ATP2C2: variants seen among roughly 807,000 people sequenced by gnomAD.
ATP2C2 encodes the protein calcium-transporting ATPase type 2C member 2.
A neutral mutation model predicts 110.8 loss-of-function variants in ATP2C2; 171 were observed. That is an observed-to-expected ratio of 1.54 (90% CI 1.36 to 1.75). The LOEUF (loss-of-function observed/expected upper bound fraction) is 1.75, where lower values mean the gene tolerates loss of function less well. Ranked by LOEUF, ATP2C2 falls within the 40% of genes most tolerant of loss-of-function variation. The probability of loss-of-function intolerance (pLI) is 0.00; values close to 1 mark genes in which losing one functional copy is unlikely to be tolerated. For missense variants in ATP2C2, 1,963 were observed against 1,235.0 expected (o/e 1.59, Z -8.84); for synonymous variants, 804 against 508.4 (o/e 1.58, Z -7.82).
Position 84,453,367 on chromosome 16 carries a change from T to A in ATP2C2, c.1976T>A (p.Ile659Asn), listed in dbSNP as rs368080268. The change falls in exon 20 of 27, where the codon ATC becomes AAC. Residue 659 changes from isoleucine to asparagine, a missense_variant. Transcript: ENST00000262429. ...AGCCCAAAGCACAAGCTCAAAATCA[T>A]CAAGGTTCGCTGGGCAAGGCAGGCA... is the stretch of plus-strand genomic sequence containing the variant. Reference protein sequence around the residue: ...RTSPKHKLKIIKALQESGAIV... With the variant: ...RTSPKHKLKINKALQESGAIV... 5.0e-5 allele frequency: 81 copies of A among 1,613,974 alleles called. No individual in the cohort carries two copies. The African/African-American group carries it at 9.6e-4, about 19-fold the overall frequency.
chr16:84,417,699 C>A (rs1385394752), intron 7 of ATP2C2, among the ~76,000 whole-genome samples: 1 of 152,158 alleles, frequency 6.6e-6, no homozygotes, highest in East Asian at 1.9e-4. Context: ...CAAGACCAGC[C>A]TGGGCAACAT....
chr16:84,369,188 C>A (rs1244369983), intron 1 of ATP2C2, among the ~76,000 whole-genome samples: 1 of 152,218 alleles, frequency 6.6e-6, no homozygotes, highest in Non-Finnish European at 1.5e-5. Context: ...GACCTCCCAG[C>A]CTCACTTCCT....
At chr16:84,436,284 C>T (rs760372257) in intron 11 of ATP2C2, among the ~76,000 whole-genome samples, 1 of 152,194 alleles carries the variant, frequency 6.6e-6, no homozygotes, top group South Asian at 2.1e-4. Flanking sequence ...ATGGGAGGCC[C>T]GGCAGCACTG....
chr16:84,441,588 A>T (rs954547184), intron 14 of ATP2C2, among the ~76,000 whole-genome samples: 7 of 152,164 alleles, frequency 4.6e-5, no homozygotes, highest in Non-Finnish European at 8.8e-5. Context: ...GGGCCACTTC[A>T]CTATCACAGC....
At position 84,460,652 on chromosome 16, in the gene ATP2C2, AG is replaced by A. The variant is rs747444835; in HGVS notation, c.2334-1del. The stretch of plus-strand genomic sequence containing the variant: ...AAAGTGTCTGTGTCTTGTTCGGAGC[AG>A]CTTGGGGGTAGAGCCCGTTGACAAA... On this transcript the variant is annotated splice_acceptor_variant, in intron 23 of 26. Transcript: ENST00000262429. LOFTEE classifies it high-confidence loss of function. The A allele has an allele frequency of 6.2e-7, 1 of 1,614,202 alleles. No individual in the cohort carries two copies. Among genetic ancestry groups the A allele is most frequent in the Non-Finnish European group, 8.5e-7 (1 of 1,180,028 alleles).
In ATP2C2 at chr16:84,424,576, C is replaced by CTTTTTT. The variant is rs371614449; in HGVS notation, c.920-1141_920-1136dup. 5.2e-3 allele frequency among the ~76,000 whole-genome samples: 597 copies of CTTTTTT among 114,752 alleles called. 22 individuals carry two copies. Among genetic ancestry groups the CTTTTTT allele is most frequent in the African/African-American group, 0.023 (569 of 24,774 alleles). The allele number at this position is 114,752 out of a possible 152,430, so 75.3% of individuals were successfully genotyped here. On this transcript the variant is annotated intron_variant, in intron 10 of 26. Transcript: ENST00000262429. ...TACAGGCATGAGCCACCGCACTGGG[C>CTTTTTT]TTTTTTTTTTTTTTTTTTTTTTTAA... is the stretch of plus-strand genomic sequence containing the variant.
In ATP2C2 at chr16:84,401,509, A is replaced by C. The variant is rs549800822; in HGVS notation, c.210+2900A>C. On this transcript the variant is annotated intron_variant, in intron 2 of 26. Transcript: ENST00000262429. ...ATTCATTTTTATTTGATTTTTATTGATAATGAGAGATGGGGTGAAATTTCA... is the reference window on the plus strand; with the variant it reads ...ATTCATTTTTATTTGATTTTTATTGCTAATGAGAGATGGGGTGAAATTTCA... Among the ~76,000 whole-genome samples the C allele has an allele frequency of 3.4e-3, 519 of 152,210 alleles. 3 individuals are homozygous for C. Among genetic ancestry groups the C allele is most frequent in the Admixed American group, 8.4e-3 (128 of 15,288 alleles).
At chr16:84,445,528 C>T (rs1279812333) in intron 15 of ATP2C2, among the ~76,000 whole-genome samples, 1 of 152,142 alleles carries the variant, frequency 6.6e-6, no homozygotes, top group South Asian at 2.1e-4. Flanking sequence ...TATATCCAGT[C>T]ATGTTGGCTT....
intron 13 of ATP2C2, among the ~76,000 whole-genome samples, chr16:84,440,510 C>T (rs760442216): frequency 3.3e-5 from 5 of 152,192 alleles, no homozygotes; most frequent in Admixed American, 1.3e-4. Context: ...TGAGTAGCCA[C>T]GACAAAGGTG....
chr16:84,428,216 C>T (rs1907960047), intron 11 of ATP2C2, among the ~76,000 whole-genome samples: 1 of 152,212 alleles, frequency 6.6e-6, no homozygotes. Flanking sequence ...GGGTCTGGTA[C>T]ATGGTATCAG....
At chr16:84,373,563 G>A (rs1029994765) in intron 1 of ATP2C2, among the ~76,000 whole-genome samples, 2 of 152,184 alleles carry the variant, frequency 1.3e-5, no homozygotes, top group African/African-American at 4.8e-5. Context: ...ATTTTGAAAT[G>A]AGGTCTCATA....
intron 6 of ATP2C2, among the ~76,000 whole-genome samples, chr16:84,411,658 T>C (rs1157757863): frequency 6.6e-6 from 1 of 152,230 alleles, no homozygotes; most frequent in African/African-American, 2.4e-5. Context: ...GCTAGGCTCG[T>C]CTCGACCTCC....
At chr16:84,382,606 A>C (rs949243616) in intron 1 of ATP2C2, among the ~76,000 whole-genome samples, 2 of 152,198 alleles carry the variant, frequency 1.3e-5, no homozygotes, top group African/African-American at 4.8e-5. Context: ...GACATGGCCA[A>C]GCCATGGCCA....
Position 84,461,713 on chromosome 16 carries a change from G to C in ATP2C2, c.2482-1G>C. 1 of 1,613,954 alleles carries C rather than the reference G, an allele frequency of 6.2e-7. No individual in the cohort carries two copies. Among genetic ancestry groups the C allele is most frequent in the Non-Finnish European group, 8.5e-7 (1 of 1,179,802 alleles). On this transcript the variant is annotated splice_acceptor_variant, in intron 24 of 26. Coordinates refer to ENST00000262429, the MANE Select transcript of ATP2C2 (RefSeq NM_014861.4). LOFTEE classifies it high-confidence loss of function. ...CTCTCACCTTTGTGCTCACCTTCCA[G>C]ATGCCTGAAGACAGAGCAAGCACTC...
At position 84,460,751 on chromosome 16, in the gene ATP2C2, A is replaced by T; in HGVS notation, c.2431A>T (p.Met811Leu). 2 of 1,614,076 alleles carry T rather than the reference A, an allele frequency of 1.2e-6. No individual in the cohort carries two copies. The highest frequency in any genetic ancestry group is 1.7e-6 in the Non-Finnish European group (2 of 1,179,966). Reference protein sequence around the residue: ...LSRALILKILMSAAIIISGTL... With the variant: ...LSRALILKILLSAAIIISGTL... ...CAGAGCCCTCATCCTGAAGATCCTCATGTCCGCGGCCATCATCATCAGCGG... is the reference window on the plus strand; with the variant it reads ...CAGAGCCCTCATCCTGAAGATCCTCTTGTCCGCGGCCATCATCATCAGCGG... Residue 811 changes from methionine to leucine, a missense_variant, in exon 24 of 27, where the codon ATG (methionine) becomes TTG (leucine). Physicochemically the swap from Met to Leu is conservative, Grantham distance 15. Transcript: ENST00000262429.
Position 84,453,118 on chromosome 16 carries a change from C to T in ATP2C2, c.1832-20C>T. 1.3e-6 allele frequency: 2 copies of T among 1,591,472 alleles called. No homozygotes were observed. Among genetic ancestry groups the T allele is most frequent in the Non-Finnish European group, 1.7e-6 (2 of 1,168,750 alleles). The stretch of plus-strand genomic sequence containing the variant: ...GGACGCGGGCCTCAGAGCAGGCCCT[C>T]AGAACAGGTTCTTCTGAAGGAAGAA... On this transcript the variant is annotated intron_variant, in intron 18 of 26. Coordinates refer to ENST00000262429, the MANE Select transcript of ATP2C2 (RefSeq NM_014861.4).
intron 1 of ATP2C2, among the ~76,000 whole-genome samples, chr16:84,385,137 G>T (rs1567686998): frequency 1.3e-5 from 2 of 152,158 alleles, no homozygotes; most frequent in South Asian, 4.1e-4. Context: ...TCTGCAGGCT[G>T]TACAGGAAGC....
At chr16:84,431,615 C>T (rs1908286485) in intron 11 of ATP2C2, among the ~76,000 whole-genome samples, 1 of 151,326 alleles carries the variant, frequency 6.6e-6, no homozygotes, top group South Asian at 2.1e-4. Flanking sequence ...GGGGGAACAG[C>T]ACAGGCAAAG....
At chr16:84,435,926 C>T (rs1330620337) in intron 11 of ATP2C2, among the ~76,000 whole-genome samples, 1 of 152,176 alleles carries the variant, frequency 6.6e-6, no homozygotes, top group Non-Finnish European at 1.5e-5. Context: ...GCCAGGAGTT[C>T]AAGACCAGCC....
Sources: gnomAD v4.1 joint callset for allele counts (sites outside exome capture counted in the v4.1 genomes callset) on GRCh38, gnomAD v4.1.1 for gene constraint, MANE v1.5 for transcripts, NCBI Gene and HGNC (gene_info 2026-07-23, HGNC 2026-07-21) for gene names.